GPC5: variants seen among roughly 807,000 people sequenced by gnomAD.
GPC5 encodes glypican 5.
A neutral mutation model predicts 53.9 loss-of-function variants in GPC5; 47 were observed. That is an observed-to-expected ratio of 0.87 (90% CI 0.69 to 1.11). The LOEUF (loss-of-function observed/expected upper bound fraction) is 1.11, where lower values mean the gene tolerates loss of function less well. GPC5 is among the 50% of genes most tolerant of loss of function. GPC5 has a pLI of 0.00. For missense variants in GPC5, 748 were observed against 713.1 expected (o/e 1.05, Z -0.56); for synonymous variants, 286 against 263.3 (o/e 1.09, Z -0.84).
At chr13:92,159,950 TG>T (rs2041975264) in intron 7 of GPC5, among the ~76,000 whole-genome samples, 1 of 151,774 alleles carries the variant, frequency 6.6e-6, no homozygotes, top group African/African-American at 2.4e-5. Flanking sequence ...TCACCCAGGC[TG>T]GAGTGCAATG....
intron 7 of GPC5, among the ~76,000 whole-genome samples, chr13:92,697,534 A>C (rs2139243420): frequency 6.6e-6 from 1 of 152,324 alleles, no homozygotes; most frequent in Middle Eastern, 3.4e-3. Flanking sequence ...TGATTTTTGC[A>C]CATTGATTGT....
chr13:91,898,833 G>T (rs1283369180), intron 5 of GPC5, among the ~76,000 whole-genome samples: 1 of 151,764 alleles, frequency 6.6e-6, no homozygotes, highest in Non-Finnish European at 1.5e-5. Flanking sequence ...AGAACTGATT[G>T]CTAAGAAAAA....
intron 7 of GPC5, among the ~76,000 whole-genome samples, chr13:92,459,928 T>G (rs1452722100): frequency 6.6e-6 from 1 of 152,184 alleles, no homozygotes. Flanking sequence ...GATTGTGGTT[T>G]CTTTGAAGAT....
chr13:91,475,237 G>A (rs1400619959), intron 2 of GPC5, among the ~76,000 whole-genome samples: 4 of 151,832 alleles, frequency 2.6e-5, no homozygotes, highest in East Asian at 1.9e-4. Flanking sequence ...TCACTTTTTG[G>A]ACCCATCTTC....
intron 6 of GPC5, among the ~76,000 whole-genome samples, chr13:92,050,553 C>A (rs1425430089): frequency 6.6e-6 from 1 of 152,112 alleles, no homozygotes; most frequent in Non-Finnish European, 1.5e-5. Context: ...GTCCAGTAGG[C>A]AGAATGAGAG....
intron 2 of GPC5, among the ~76,000 whole-genome samples, chr13:91,611,074 T>C (rs182972935): frequency 2.6e-5 from 4 of 152,304 alleles, no homozygotes; most frequent in Admixed American, 2.6e-4. Context: ...GAAAAATTTG[T>C]CAGATTAGTT....
chr13:91,401,654 A>G (rs1876964730), intron 1 of GPC5, among the ~76,000 whole-genome samples: 3 of 152,198 alleles, frequency 2.0e-5, no homozygotes, highest in African/African-American at 7.2e-5. Flanking sequence ...TCTAGCCAAA[A>G]CACAGTTTGT....
intron 2 of GPC5, among the ~76,000 whole-genome samples, chr13:91,606,351 G>T (rs1252925094): frequency 2.0e-5 from 3 of 148,584 alleles, no homozygotes; most frequent in South Asian, 2.2e-4. Context: ...GCTGGATTCT[G>T]TTTGCCAGTA....
At chr13:91,422,839 T>C (rs1395192047) in intron 1 of GPC5, among the ~76,000 whole-genome samples, 1 of 152,116 alleles carries the variant, frequency 6.6e-6, no homozygotes, top group Non-Finnish European at 1.5e-5. Context: ...AGTCCATTAA[T>C]TCATTGACAC....
chr13:91,625,216 TA>T (rs67229570), intron 2 of GPC5, among the ~76,000 whole-genome samples: 35,819 of 142,792 alleles, frequency 0.25, 5,160 homozygotes, highest in African/African-American at 0.43. Context: ...ACATGCAACA[TA>T]AAAAAAAAAA....
intron 7 of GPC5, among the ~76,000 whole-genome samples, chr13:92,451,794 G>T (rs1484043273): frequency 6.6e-6 from 1 of 152,136 alleles, no homozygotes; most frequent in Admixed American, 6.6e-5. Context: ...AATTGTCAAA[G>T]GTTGGGTCAG....
chr13:92,518,245 G>A lies in GPC5; in HGVS notation c.1562-348037G>A, dbSNP rs528177983. On this transcript the variant is annotated intron_variant, in intron 7 of 7. Coordinates refer to ENST00000377067, the MANE Select transcript of GPC5 (RefSeq NM_004466.6). ...AGAACTTCCCCAATCTAGCAAGGCA[G>A]GCCAACATTCAAATTCAGGAGATAC... Among the ~76,000 whole-genome samples, 15 of 152,264 alleles carry A rather than the reference G, an allele frequency of 9.9e-5. No individual in the cohort carries two copies. In the South Asian group the frequency reaches 3.1e-3, roughly 32 times the overall value.
At chr13:91,787,472 G>T (rs2037897766) in intron 5 of GPC5, among the ~76,000 whole-genome samples, 1 of 151,880 alleles carries the variant, frequency 6.6e-6, no homozygotes. Context: ...TACATTGATT[G>T]GTTTATGAAT....
intron 7 of GPC5, among the ~76,000 whole-genome samples, chr13:92,335,567 G>T (rs903216690): frequency 6.6e-6 from 1 of 152,078 alleles, no homozygotes; most frequent in African/African-American, 2.4e-5. Flanking sequence ...CAGAAAATGG[G>T]TTTTTCTTCT....
intron 2 of GPC5, among the ~76,000 whole-genome samples, chr13:91,611,647 T>C (rs1010636676): frequency 6.6e-6 from 1 of 152,182 alleles, no homozygotes; most frequent in Non-Finnish European, 1.5e-5. Flanking sequence ...CCTGTATTGT[T>C]CTAATGTTTT....
At chr13:92,324,628 A>G (rs9589503) in intron 7 of GPC5, among the ~76,000 whole-genome samples, 9 of 143,296 alleles carry the variant, frequency 6.3e-5, no homozygotes, top group Non-Finnish European at 1.2e-4. Flanking sequence ...TAGCTGTACT[A>G]CATATCATTA....
intron 7 of GPC5, among the ~76,000 whole-genome samples, chr13:92,562,406 C>T (rs1882729725): frequency 6.6e-6 from 1 of 152,054 alleles, no homozygotes; most frequent in African/African-American, 2.4e-5. Context: ...TCCCGCTCTA[C>T]CACCTACAAG....
chr13:91,773,372 A>C (rs946673073), intron 5 of GPC5, among the ~76,000 whole-genome samples: 1 of 152,180 alleles, frequency 6.6e-6, no homozygotes, highest in Admixed American at 6.6e-5. Context: ...ATTTTTAAAT[A>C]CTGATGATAA....
chr13:91,438,492 A>G (rs1880158213), intron 1 of GPC5, among the ~76,000 whole-genome samples: 1 of 152,188 alleles, frequency 6.6e-6, no homozygotes, highest in African/African-American at 2.4e-5. Flanking sequence ...GGTGAACAGC[A>G]AATGTTGCTG....
Sources: allele counts gnomAD v4.1 joint callset (sites outside exome capture counted in the v4.1 genomes callset), GRCh38; gene constraint gnomAD v4.1.1; transcripts MANE v1.5; gene names NCBI Gene and HGNC (gene_info 2026-07-23, HGNC 2026-07-21).